Variants in FAM107B observed in about 807,000 individuals in gnomAD.
The protein encoded by FAM107B is protein FAM107B.
A neutral mutation model predicts 31.5 loss-of-function variants in FAM107B; 21 were observed. The ratio of observed to expected loss-of-function variants is 0.67; its 90% CI spans 0.47 to 0.96. The LOEUF (loss-of-function observed/expected upper bound fraction) is 0.96. Among genes scored for constraint, FAM107B ranks in the 40% least tolerant of loss-of-function variants. FAM107B has a pLI of 0.00. For synonymous variants in FAM107B, 157 were observed against 141.5 expected (o/e 1.11, Z -0.78); for missense variants, 452 against 377.1 (o/e 1.20, Z -1.64).
chr10:14,611,089 T>A (rs191549831), intron 2 of FAM107B, among the ~76,000 whole-genome samples: 2 of 152,324 alleles, frequency 1.3e-5, no homozygotes, highest in Admixed American at 1.3e-4. Context: ...AAGATCTGCA[T>A]TTTACGTTTT....
chr10:14,705,744 C>A (rs926107316), intron 1 of FAM107B, among the ~76,000 whole-genome samples: 2 of 151,996 alleles, frequency 1.3e-5, no homozygotes, highest in African/African-American at 2.4e-5. Context: ...TTAGTGGGTA[C>A]AGAGATTCAG....
At chr10:14,694,254 A>G (rs1855213515) in intron 1 of FAM107B, among the ~76,000 whole-genome samples, 2 of 152,228 alleles carry the variant, frequency 1.3e-5, no homozygotes, top group African/African-American at 2.4e-5. Context: ...TTGCTAGGGC[A>G]TATGGTAGTT....
At chr10:14,558,857 T>C (rs541882905) in intron 2 of FAM107B, among the ~76,000 whole-genome samples, 1 of 151,952 alleles carries the variant, frequency 6.6e-6, no homozygotes, top group East Asian at 1.9e-4. Flanking sequence ...AAGCTCTATA[T>C]GAAGGGGAGC....
At chr10:14,698,741 C>T (rs917593279) in intron 1 of FAM107B, among the ~76,000 whole-genome samples, 20 of 152,202 alleles carry the variant, frequency 1.3e-4, no homozygotes, top group African/African-American at 4.1e-4. Flanking sequence ...AAACAGATGT[C>T]GGCTTTCAGG....
chr10:14,652,850 G>C (rs1853936078), intron 2 of FAM107B: 1 of 152,190 alleles, frequency 6.6e-6, no homozygotes, highest in Non-Finnish European at 1.5e-5. Flanking sequence ...AACTGAGAAA[G>C]TTATAGTCAT....
intron 2 of FAM107B, among the ~76,000 whole-genome samples, chr10:14,600,334 CAA>C (rs1852348472): frequency 6.6e-6 from 1 of 152,208 alleles, no homozygotes; most frequent in South Asian, 2.1e-4. Flanking sequence ...TCCCAAGCGA[CAA>C]AGTGTCCGAA....
chr10:14,525,369 C>A (rs766115932), intron 3 of FAM107B, among the ~76,000 whole-genome samples: 1 of 152,046 alleles, frequency 6.6e-6, no homozygotes, highest in Non-Finnish European at 1.5e-5. Flanking sequence ...GCGGGCAAAG[C>A]CAATTTAAAA....
intron 2 of FAM107B, among the ~76,000 whole-genome samples, chr10:14,600,263 GA>G (rs1852345941): frequency 6.6e-6 from 1 of 152,184 alleles, no homozygotes; most frequent in African/African-American, 2.4e-5. Context: ...TACTGGCCAT[GA>G]GGTTTACCTT....
Position 14,687,367 on chromosome 10 carries a change from C to T in FAM107B, c.412-19676G>A, listed in dbSNP as rs550418699. On this transcript the variant is annotated intron_variant, in intron 1 of 4. Transcript: ENST00000181796. ...GAGGAAGGCTGAAAAGCATTCTGAG[C>T]TCTTTAGAATAACAGGAGGTTCAAC... Among the ~76,000 whole-genome samples, 7 of 152,246 alleles carry T rather than the reference C, an allele frequency of 4.6e-5. No homozygotes were observed. The East Asian group carries it at 1.2e-3, about 25-fold the overall frequency.
intron 3 of FAM107B, among the ~76,000 whole-genome samples, chr10:14,525,180 T>A (rs1252756590): frequency 6.6e-6 from 1 of 152,238 alleles, no homozygotes; most frequent in Non-Finnish European, 1.5e-5. Context: ...AATTAGTTTC[T>A]CCAAATGTCA....
rs565094875 is a variant in FAM107B, at chr10:14,607,938, TATGACCTC to T, written c.469+59688_469+59695del. On this transcript the variant is annotated intron_variant, in intron 2 of 4. Transcript: ENST00000181796. The stretch of plus-strand genomic sequence containing the variant: ...CTACAGGGTCACCCATATACTCCAC[TATGACCTC>T]ATCCTTTAGCTTGGACATCTGGAGA... 3.4e-3 allele frequency among the ~76,000 whole-genome samples: 515 copies of T among 152,354 alleles called. 3 individuals are homozygous for T. The highest frequency in any genetic ancestry group is 0.032 in the South Asian group (154 of 4,828).
intron 2 of FAM107B, among the ~76,000 whole-genome samples, chr10:14,543,749 A>C (rs935238164): frequency 1.2e-4 from 19 of 152,168 alleles, no homozygotes; most frequent in African/African-American, 4.6e-4. Flanking sequence ...TGAAATAATA[A>C]ATTATTTAGC....
chr10:14,604,138 C>T, intron 2 of FAM107B: 5 of 786,316 alleles, frequency 6.4e-6, no homozygotes, highest in Non-Finnish European at 7.7e-6. Flanking sequence ...CGGCCGCCCG[C>T]CCGCCGAGAG....
chr10:14,713,656 G>A (rs1417434167), intron 1 of FAM107B, among the ~76,000 whole-genome samples: 2 of 152,132 alleles, frequency 1.3e-5, no homozygotes, highest in Non-Finnish European at 1.5e-5. Context: ...ACATCCAGGA[G>A]AAGAAAATCA....
chr10:14,730,602 T>C (rs979219648), intron 1 of FAM107B, among the ~76,000 whole-genome samples: 1 of 152,208 alleles, frequency 6.6e-6, no homozygotes, highest in Non-Finnish European at 1.5e-5. Context: ...TGCAGAGTCC[T>C]TGAAGGATTT....
intron 1 of FAM107B, among the ~76,000 whole-genome samples, chr10:14,705,023 C>CACAAAA (rs1855487216): frequency 2.3e-5 from 2 of 87,910 alleles, no homozygotes; most frequent in Non-Finnish European, 4.2e-5. Flanking sequence ...GACCCTGTCA[C>CACAAAA]AAAAAAAAAA....
intron 1 of FAM107B, among the ~76,000 whole-genome samples, chr10:14,736,679 A>G (rs1466981878): frequency 1.3e-5 from 2 of 152,220 alleles, no homozygotes; most frequent in Non-Finnish European, 1.5e-5. Flanking sequence ...ATCATAAATC[A>G]TTAACTGATC....
chr10:14,735,881 C>T (rs1233195198), intron 1 of FAM107B, among the ~76,000 whole-genome samples: 4 of 152,076 alleles, frequency 2.6e-5, no homozygotes. Context: ...TTCCTAGTGA[C>T]ATTACTATAT....
At chr10:14,620,522 A>T (rs1852982151) in intron 2 of FAM107B, among the ~76,000 whole-genome samples, 1 of 149,038 alleles carries the variant, frequency 6.7e-6, no homozygotes, top group South Asian at 2.2e-4. Flanking sequence ...TTTTTTCAAA[A>T]TGCTTACTGT....
Sources: allele counts gnomAD v4.1 joint callset (sites outside exome capture counted in the v4.1 genomes callset), GRCh38; gene constraint gnomAD v4.1.1; transcripts MANE v1.5; gene names NCBI Gene and HGNC (gene_info 2026-07-23, HGNC 2026-07-21).